Variants in DOCK5 observed in about 807,000 individuals in gnomAD.
The protein encoded by DOCK5 is dedicator of cytokinesis 5.
Under a neutral mutation model 251.8 loss-of-function variants are expected in DOCK5, and 142 were observed. The observed-to-expected ratio is 0.56, with a 90% CI of 0.49 to 0.65. DOCK5 has a LOEUF of 0.65. Among genes scored for constraint, DOCK5 ranks in the 30% least tolerant of loss-of-function variants. The probability of loss-of-function intolerance (pLI) is 0.00; values close to 1 mark genes in which losing one functional copy is unlikely to be tolerated. For missense variants in DOCK5, 2,111 were observed against 2,312.3 expected (o/e 0.91, Z 1.79); for synonymous variants, 842 against 835.5 (o/e 1.01, Z -0.13).
At chr8:25,287,445 T>C (rs994345054) in intron 5 of DOCK5, among the ~76,000 whole-genome samples, 1 of 151,970 alleles carries the variant, frequency 6.6e-6, no homozygotes, top group African/African-American at 2.4e-5. Flanking sequence ...TTATAAATAT[T>C]TGGACTAAAA....
chr8:25,332,649 T>C lies in DOCK5; in HGVS notation c.2048T>C (p.Met683Thr), dbSNP rs1805709733. 1 of 1,612,616 alleles carries C rather than the reference T, an allele frequency of 6.2e-7. No individual in the cohort carries two copies. Among genetic ancestry groups the C allele is most frequent in the Admixed American group, 1.7e-5 (1 of 59,722 alleles). Residue 683 changes from methionine to threonine, a missense_variant, in exon 20 of 52, where the codon ATG (methionine) becomes ACG (threonine). Coordinates refer to ENST00000276440, the MANE Select transcript of DOCK5 (RefSeq NM_024940.8). Reference sequence around the variant, plus strand: ...GCACTCTTTAACATAATGATGGAAATGTCAGACAGTGAAACCTATGACTTC... The same window carrying C: ...GCACTCTTTAACATAATGATGGAAACGTCAGACAGTGAAACCTATGACTTC... Reference protein sequence around the residue: ...LDALFNIMMEMSDSETYDFLV... With the variant: ...LDALFNIMMETSDSETYDFLV...
At chr8:25,303,983 T>C (rs1272503648) in intron 10 of DOCK5, among the ~76,000 whole-genome samples, 1 of 152,116 alleles carries the variant, frequency 6.6e-6, no homozygotes, top group Non-Finnish European at 1.5e-5. Flanking sequence ...AGCAAAAGAA[T>C]TTAGCAACTC....
intron 11 of DOCK5, 97 bp downstream of exon 11, chr8:25,304,424 A>T (rs1168805078): frequency 9.7e-7 from 1 of 1,026,438 alleles, no homozygotes; most frequent in African/African-American, 1.6e-5. Flanking sequence ...CCATTTTCTC[A>T]GAGAAGGAAA....
intron 28 of DOCK5, 29 bp from the exon 29 acceptor site, chr8:25,363,018 T>G: frequency 6.3e-7 from 1 of 1,578,066 alleles, no homozygotes; most frequent in Non-Finnish European, 8.7e-7. Context: ...AACCCAGTTT[T>G]CCCCCAACCA....
rs760238755 is a variant in DOCK5 at position 25,400,965 on chromosome 8, G to A, written c.4825G>A (p.Glu1609Lys). ...AACAGAAGGGATCCGCATCCATGGGGAGAAACTCACAGAGCAGCTGAAGCC... is the reference window on the plus strand; with the variant it reads ...AACAGAAGGGATCCGCATCCATGGGAAGAAACTCACAGAGCAGCTGAAGCC... Reference protein sequence around the residue: ...LLTEGIRIHGEKLTEQLKPLH... With the variant: ...LLTEGIRIHGKKLTEQLKPLH... Residue 1609 changes from glutamate (E) to lysine (K), a missense_variant, in exon 47 of 52, where the codon GAG becomes AAG. Coordinates refer to ENST00000276440, the MANE Select transcript of DOCK5 (RefSeq NM_024940.8). 3 of 1,613,876 alleles carry A rather than the reference G, an allele frequency of 1.9e-6. No homozygotes were observed. The African/African-American group carries it at 4.0e-5, about 22-fold the overall frequency.
At chr8:25,204,518 A>G (rs977233937) in intron 1 of DOCK5, among the ~76,000 whole-genome samples, 4 of 152,234 alleles carry the variant, frequency 2.6e-5, no homozygotes, top group Non-Finnish European at 2.9e-5. Context: ...GAATTAAGCG[A>G]TGCCTGTTAG....
chr8:25,304,579 T>C (rs1804852514), intron 11 of DOCK5: 3 of 415,474 alleles, frequency 7.2e-6, no homozygotes, highest in Admixed American at 8.5e-5. Context: ...GGCACATATC[T>C]GTCTGCTCTG....
chr8:25,377,208 C>G, intron 37 of DOCK5, 97 bp from the exon 38 acceptor site: 2 of 1,416,640 alleles, frequency 1.4e-6, no homozygotes, highest in Non-Finnish European at 1.9e-6. Context: ...ATCTAAAATA[C>G]AAAATCAATG....
At chr8:25,370,165 T>C (rs1336455319) in intron 34 of DOCK5, among the ~76,000 whole-genome samples, 11 of 152,164 alleles carry the variant, frequency 7.2e-5, no homozygotes, top group Admixed American at 7.2e-4. Context: ...CTGTCCCCTC[T>C]TCCCCCACCA....
intron 2 of DOCK5, among the ~76,000 whole-genome samples, chr8:25,261,936 T>C (rs1803596032): frequency 6.6e-6 from 1 of 152,256 alleles, no homozygotes; most frequent in Non-Finnish European, 1.5e-5. Context: ...CCGTAGTTCA[T>C]TCCTGTGTAT....
At chr8:25,326,815 A>C (rs1805575209) in intron 18 of DOCK5, among the ~76,000 whole-genome samples, 1 of 152,214 alleles carries the variant, frequency 6.6e-6, no homozygotes, top group Non-Finnish European at 1.5e-5. Context: ...GAAATACTGG[A>C]AACAACCCAA....
intron 21 of DOCK5, among the ~76,000 whole-genome samples, chr8:25,335,718 C>G (rs989115414): frequency 6.6e-6 from 1 of 152,130 alleles, no homozygotes; most frequent in Admixed American, 6.6e-5. Flanking sequence ...AACCCCAGAA[C>G]AGCTTTATCT....
Position 25,406,533 on chromosome 8 carries a change from T to G in DOCK5, c.5094-1450T>G, listed in dbSNP as rs79334733. ...ATTCTTTTCCGTTGATATAGGTATA[T>G]TTACATAGCTCCAATTATAGCATAT... On this transcript the variant is annotated intron_variant, in intron 48 of 51. Coordinates refer to ENST00000276440, the MANE Select transcript of DOCK5 (RefSeq NM_024940.8). Among the ~76,000 whole-genome samples the G allele has an allele frequency of 5.2e-3, 794 of 152,332 alleles. 61 individuals carry two copies. The East Asian group carries it at 0.15, about 28-fold the overall frequency.
At chr8:25,357,373 CTTTTTTTTTTT>C (rs397891518) in intron 27 of DOCK5, among the ~76,000 whole-genome samples, 5 of 92,628 alleles carry the variant, frequency 5.4e-5, no homozygotes, top group South Asian at 4.0e-4. Flanking sequence ...AAAAAATAAA[CTTTTTTTTTTT>C]TTTTTTTTTT....
chr8:25,218,167 G>A (rs893108968), intron 1 of DOCK5, among the ~76,000 whole-genome samples: 1 of 152,188 alleles, frequency 6.6e-6, no homozygotes, highest in Non-Finnish European at 1.5e-5. Flanking sequence ...TTGTTTTCAA[G>A]TGGGTTTCAT....
intron 28 of DOCK5, among the ~76,000 whole-genome samples, chr8:25,361,259 T>G (rs1010930991): frequency 2.0e-5 from 3 of 152,182 alleles, no homozygotes; most frequent in Non-Finnish European, 2.9e-5. Flanking sequence ...CCATGAATTC[T>G]TATGGATTTA....
rs182115318 is a variant in DOCK5 at position 25,271,207 on chromosome 8, C to T, written c.168+2322C>T. On this transcript the variant is annotated intron_variant, in intron 3 of 51. Coordinates refer to ENST00000276440, the MANE Select transcript of DOCK5 (RefSeq NM_024940.8). The stretch of plus-strand genomic sequence containing the variant: ...TGTGTTCATTAAAGAGTGCTTAAAA[C>T]CTTTAAGCTTAAAATCTCACCCTTC... 378 of 177,766 alleles carry T rather than the reference C, an allele frequency of 2.1e-3. 1 individual carries two copies. The highest frequency in any genetic ancestry group is 7.6e-3 in the African/African-American group (325 of 42,634). The allele number at this position is 177,766 out of a possible 1,614,324, so 11.0% of individuals were successfully genotyped here.
intron 1 of DOCK5, among the ~76,000 whole-genome samples, chr8:25,203,766 A>T (rs2117465936): frequency 6.6e-6 from 1 of 152,098 alleles, no homozygotes; most frequent in Non-Finnish European, 1.5e-5. Context: ...GGACATAGTG[A>T]TTTTTTCTTT....
At chr8:25,361,715 C>T (rs113538334) in intron 28 of DOCK5, among the ~76,000 whole-genome samples, 114 of 152,230 alleles carry the variant, frequency 7.5e-4, no homozygotes, top group African/African-American at 2.5e-3. Context: ...ATGTCTAACT[C>T]GCCATAAAAC....
Sources: allele counts gnomAD v4.1 joint callset (sites outside exome capture counted in the v4.1 genomes callset), GRCh38; gene constraint gnomAD v4.1.1; transcripts MANE v1.5; gene names NCBI Gene and HGNC (gene_info 2026-07-23, HGNC 2026-07-21).